DAPK2: variants seen among roughly 807,000 people sequenced by gnomAD.
DAPK2 encodes the protein death associated protein kinase 2, also known as death-associated protein kinase 2.
Under a neutral mutation model 44.1 loss-of-function variants are expected in DAPK2, and 35 were observed. The ratio of observed to expected loss-of-function variants is 0.79; its 90% CI spans 0.61 to 1.05. DAPK2 has a LOEUF of 1.05. DAPK2 is among the 50% of genes least tolerant of loss of function. The pLI is 0.00. For missense variants in DAPK2, 453 were observed against 483.2 expected (o/e 0.94, Z 0.59); for synonymous variants, 174 against 182.6 (o/e 0.95, Z 0.38).
At chr15:64,010,506 G>A (rs917503115) in intron 1 of DAPK2, among the ~76,000 whole-genome samples, 10 of 152,162 alleles carry the variant, frequency 6.6e-5, no homozygotes, top group African/African-American at 2.4e-4. Context: ...CTTTTTCAAT[G>A]TGATGATGAT....
rs778691321 is a variant in DAPK2 at position 63,991,378 on chromosome 15, G to A, written c.93-7624C>T. The A allele has an allele frequency of 1.1e-5, 5 of 455,186 alleles. No individual in the cohort carries two copies. In the Middle Eastern group the frequency reaches 1.8e-3, roughly 167 times the overall value. The allele number at this position is 455,186 out of a possible 1,614,324, so 28.2% of individuals were successfully genotyped here. On this transcript the variant is annotated intron_variant, in intron 1 of 10. Transcript: ENST00000261891. ...TGCAAACAGAAGAGGGCACAGGGCT[G>A]CCTAATATGACTCTTCTCCCAGCTA... is the stretch of plus-strand genomic sequence containing the variant.
At chr15:63,932,595 G>C (rs769490071) in intron 4 of DAPK2, 10 of 151,528 alleles carry the variant, frequency 6.6e-5, no homozygotes, top group Non-Finnish European at 1.0e-4. Flanking sequence ...GATCATGGAG[G>C]CAAAAAAGAG....
At chr15:63,956,996 T>TA (rs1231479433) in intron 3 of DAPK2, among the ~76,000 whole-genome samples, 35 of 152,264 alleles carry the variant, frequency 2.3e-4, no homozygotes, top group Non-Finnish European at 4.3e-4. Flanking sequence ...AAACGTTCTG[T>TA]AAATATCTAT....
At chr15:63,994,471 G>A (rs1404971226) in intron 1 of DAPK2, among the ~76,000 whole-genome samples, 1 of 146,430 alleles carries the variant, frequency 6.8e-6, no homozygotes, top group Admixed American at 6.8e-5. Context: ...GGAAGGAAAC[G>A]CACAAAAAGG....
intron 1 of DAPK2, among the ~76,000 whole-genome samples, chr15:64,010,933 C>A (rs751911119): frequency 2.6e-5 from 4 of 152,200 alleles, no homozygotes; most frequent in Non-Finnish European, 4.4e-5. Flanking sequence ...GGGGCAGAAT[C>A]TGCAGGGCAC....
At chr15:63,991,196 CAG>C (rs1343389046) in intron 1 of DAPK2, 1 of 455,772 alleles carries the variant, frequency 2.2e-6, no homozygotes, top group Non-Finnish European at 4.4e-6. Context: ...GGTTTTAGGC[CAG>C]AGAGACAAGG....
At chr15:64,010,970 C>T (rs1429449972) in intron 1 of DAPK2, among the ~76,000 whole-genome samples, 1 of 152,216 alleles carries the variant, frequency 6.6e-6, no homozygotes, top group Non-Finnish European at 1.5e-5. Flanking sequence ...AGGTGGCTGA[C>T]TCATTCTGTG....
intron 1 of DAPK2, among the ~76,000 whole-genome samples, chr15:64,002,498 A>G (rs2140972425): frequency 6.6e-6 from 1 of 152,370 alleles, no homozygotes; most frequent in African/African-American, 2.4e-5. Flanking sequence ...AAAATATTTC[A>G]TAATTAATGG....
intron 1 of DAPK2, among the ~76,000 whole-genome samples, chr15:63,988,312 C>G (rs1422488671): frequency 1.3e-5 from 2 of 152,060 alleles, no homozygotes; most frequent in Non-Finnish European, 2.9e-5. Context: ...AAGGGGTATA[C>G]CTAGAACAGC....
chr15:63,939,695 G>C lies in DAPK2; in HGVS notation c.454-334C>G, dbSNP rs926565471. On this transcript the variant is annotated intron_variant, in intron 3 of 10. Transcript: ENST00000261891. This position sits in a 1 kb window ranked among gnomAD's most constrained non-coding sequence, Gnocchi z 4.3. ...CCTCTGTTTTCCTATCTGTCAAATG[G>C]GGCCAATGAGATACTTGCAGCATTT... Among the ~76,000 whole-genome samples the C allele has an allele frequency of 2.6e-5, 4 of 152,132 alleles. No individual in the cohort carries two copies. Among genetic ancestry groups the C allele is most frequent in the African/African-American group, 9.7e-5 (4 of 41,414 alleles).
rs190421627 is a variant in DAPK2 at position 64,020,750 on chromosome 15, G to T, written c.92+19420C>A. ...CTAAAGAAAGTCCCTGTTCCCAAAA[G>T]CACCTCAGGTACTAGAAGGAATAAA... On this transcript the variant is annotated intron_variant, in intron 1 of 10. Transcript: ENST00000261891. The surrounding 1 kb of genome is among the most constrained non-coding windows in gnomAD (Gnocchi z 4.5). Among the ~76,000 whole-genome samples the T allele has an allele frequency of 2.2e-3, 335 of 152,270 alleles. 1 individual carries two copies. Among genetic ancestry groups the T allele is most frequent in the African/African-American group, 7.6e-3 (315 of 41,552 alleles).
At position 63,980,190 on chromosome 15, in the gene DAPK2, G is replaced by A. The variant is rs906839811; in HGVS notation, c.314+3343C>T. 6.6e-6 allele frequency among the ~76,000 whole-genome samples: 1 copy of A among 152,132 alleles called. No individual in the cohort carries two copies. Among genetic ancestry groups the A allele is most frequent in the Non-Finnish European group, 1.5e-5 (1 of 68,024 alleles). ...AGCGTGACAACTGATGTTACAGATG[G>A]TGCACCTGAGCTCACAAGAAGCCGG... On this transcript the variant is annotated intron_variant, in intron 2 of 10. Transcript: ENST00000261891. The surrounding 1 kb of genome is among the most constrained non-coding windows in gnomAD (Gnocchi z 4.3).
chr15:63,995,034 C>A, intron 1 of DAPK2, among the ~76,000 whole-genome samples: 1 of 152,146 alleles, frequency 6.6e-6, no homozygotes, highest in East Asian at 1.9e-4. Context: ...TTTTAAATGG[C>A]TGTATAATAT....
At chr15:63,911,852 C>T in intron 10 of DAPK2, 56 bp downstream of exon 11, 3 of 1,566,754 alleles carry the variant, frequency 1.9e-6, no homozygotes, top group African/African-American at 1.3e-5. Context: ...TCACCCATCC[C>T]TGAGCTCCAG....
chr15:63,995,273 C>T (rs1025543560), intron 1 of DAPK2, among the ~76,000 whole-genome samples: 11 of 152,100 alleles, frequency 7.2e-5, no homozygotes, highest in African/African-American at 2.7e-4. Context: ...CCTCAGCCTC[C>T]CAAGTGGCTA....
chr15:63,924,741 A>T, intron 8 of DAPK2, 75 bp downstream of exon 9: 1 of 1,543,650 alleles, frequency 6.5e-7, no homozygotes, highest in Non-Finnish European at 8.9e-7. Context: ...GGCCCTCTGC[A>T]TCTGGCTGCC....
chr15:63,981,178 T>C (rs2078500366), intron 2 of DAPK2, among the ~76,000 whole-genome samples: 1 of 151,368 alleles, frequency 6.6e-6, no homozygotes, highest in South Asian at 2.1e-4. Context: ...GATTAACAGG[T>C]TACATGGGTG....
At chr15:64,001,769 G>A (rs1244473506) in intron 1 of DAPK2, among the ~76,000 whole-genome samples, 1 of 152,188 alleles carries the variant, frequency 6.6e-6, no homozygotes. Flanking sequence ...GAATGTGTGT[G>A]TTAACATAAC....
intron 2 of DAPK2, among the ~76,000 whole-genome samples, chr15:63,974,339 T>C (rs1335779531): frequency 6.6e-6 from 1 of 152,176 alleles, no homozygotes; most frequent in Non-Finnish European, 1.5e-5. Context: ...GTGCCCAAGG[T>C]AGTTGGGTAA....
Sources: allele counts gnomAD v4.1 joint callset (sites outside exome capture counted in the v4.1 genomes callset), GRCh38; gene constraint gnomAD v4.1.1; non-coding constraint Gnocchi (gnomAD v3.1); transcripts MANE v1.5; gene names NCBI Gene and HGNC (gene_info 2026-07-23, HGNC 2026-07-21).